The following MMS19 variants were observed in gnomAD, a reference collection of about 807,000 sequenced individuals.
MMS19 encodes the protein MMS19 nucleotide excision repair protein homolog.
In MMS19, 77 loss-of-function variants were observed where a neutral mutation model predicts 129.8. The observed-to-expected ratio is 0.59, with a 90% CI of 0.49 to 0.72. The LOEUF (loss-of-function observed/expected upper bound fraction) is 0.72, where lower values mean the gene tolerates loss of function less well. MMS19 is among the 30% of genes least tolerant of loss of function. The pLI is 0.00. For missense variants in MMS19, 1,168 were observed against 1,266.3 expected (o/e 0.92, Z 1.18); for synonymous variants, 491 against 502.8 (o/e 0.98, Z 0.31).
At chr10:97,487,232 T>C (rs1225421623) in intron 1 of MMS19, among the ~76,000 whole-genome samples, 6 of 152,006 alleles carry the variant, frequency 3.9e-5, no homozygotes, top group East Asian at 1.9e-4. Context: ...GTTAGAATGA[T>C]TGTCCTGGAA....
rs754086274 is a variant in MMS19, at chr10:97,460,737, T to C, written c.2427A>G (p.Leu809=). ...FTLLLWVTKA[L]VLRYHPLSSC... The stretch of plus-strand genomic sequence containing the variant: ...AGCTGAGAGGATGGTATCTGAGCAC[T>C]AGGGCCTTTGTTACCTGTAATTGGA... Residue 809 remains leucine, a synonymous_variant, in exon 25 of 31, where the codon CTA becomes CTG. Coordinates refer to ENST00000438925, the MANE Select transcript of MMS19 (RefSeq NM_022362.5). 4.4e-6 allele frequency: 7 copies of C among 1,599,688 alleles called. No homozygotes were observed. In the Admixed American group the frequency reaches 1.0e-4, roughly 24 times the overall value.
chr10:97,463,679 G>A (rs1467340582), intron 19 of MMS19, among the ~76,000 whole-genome samples, 179 bp downstream of exon 19: 1 of 152,204 alleles, frequency 6.6e-6, no homozygotes, highest in African/African-American at 2.4e-5. Context: ...TTTGGTTCCT[G>A]CCACTGGTCA....
At position 97,459,372 on chromosome 10, in the gene MMS19, C is replaced by A; in HGVS notation, c.2894G>T (p.Ser965Ile). Residue 965 changes from serine (S) to isoleucine (I), a missense_variant, in exon 28 of 31, where the codon AGC becomes ATC. By Grantham distance (142) the Ser-to-Ile change is moderately radical (BLOSUM62 -2). Around this residue, in one of 3 missense-constraint regions of MMS19, gnomAD observed 831 missense variants for 910.8 expected, o/e 0.91. Transcript: ENST00000438925. Reference sequence around the variant, plus strand: ...TGGGGCTCAACGCACCATGGAAGGGCTAGAGCTGAGGTTCAGAAACTTGGT... The same window carrying A: ...TGGGGCTCAACGCACCATGGAAGGGATAGAGCTGAGGTTCAGAAACTTGGT... ...LVTKFLNLSS[S>I]PSMAVRIAAL... 6.2e-7 allele frequency: 1 copy of A among 1,605,416 alleles called. No homozygotes were observed. The highest frequency in any genetic ancestry group is 8.5e-7 in the Non-Finnish European group (1 of 1,175,952).
At chr10:97,485,701 G>A (rs920008249) in intron 1 of MMS19, among the ~76,000 whole-genome samples, 1 of 152,166 alleles carries the variant, frequency 6.6e-6, no homozygotes, top group African/African-American at 2.4e-5. Context: ...ACCCGCCTCT[G>A]CCTCCCAAAT....
At chr10:97,487,589 G>C (rs557486729) in intron 1 of MMS19, among the ~76,000 whole-genome samples, 1 of 152,124 alleles carries the variant, frequency 6.6e-6, no homozygotes, top group East Asian at 1.9e-4. Flanking sequence ...AAAGTGCTGG[G>C]ATTACAGGCG....
chr10:97,494,408 G>A (rs2039449707), intron 1 of MMS19, among the ~76,000 whole-genome samples: 1 of 152,206 alleles, frequency 6.6e-6, no homozygotes. Context: ...AAAGGGAAGT[G>A]AGGGGAAGCG....
chr10:97,478,178 C>A, intron 4 of MMS19, 126 bp downstream of exon 4: 1 of 758,620 alleles, frequency 1.3e-6, no homozygotes, highest in Non-Finnish European at 2.2e-6. Context: ...GCTGGTAACA[C>A]TAATTTAGTC....
rs2035981912 is a variant in MMS19, at chr10:97,477,526, A to G, written c.424-110T>C. 9.2e-6 allele frequency: 13 copies of G among 1,419,668 alleles called. No individual in the cohort carries two copies. The East Asian group carries it at 3.0e-4, about 33-fold the overall frequency. 87.9% of individuals were successfully genotyped at this position (1,419,668 alleles called of 1,614,324 possible). A position where few individuals can be genotyped will look rare whatever the true frequency, so the allele number is the denominator to read the frequency against. ...AGTGAACAGTGCTCTTTATACCAGC[A>G]TAAGATCAATCTAAGAGAAACTACA... is the stretch of plus-strand genomic sequence containing the variant. On this transcript the variant is annotated intron_variant, in intron 5 of 30. Coordinates refer to ENST00000438925, the MANE Select transcript of MMS19 (RefSeq NM_022362.5).
intron 22 of MMS19, 94 bp downstream of exon 22, chr10:97,461,734 G>T (rs937152072): frequency 6.5e-7 from 1 of 1,536,448 alleles, no homozygotes; most frequent in South Asian, 1.2e-5. Flanking sequence ...CTCTGGTGGG[G>T]GAAGTAAAAG....
chr10:97,463,964 G>A lies in MMS19; in HGVS notation c.1806C>T (p.Leu602=), dbSNP rs141369833. ...SSDVIAVCQS[L]RQMAEKCQQD... is the part of the protein sequence containing the mutation. ...GCTGACATTTTTCTGCCATCTGTCT[G>A]AGGCTCTGACAGACAGCAATAACGT... Residue 602 remains leucine, a synonymous_variant, in exon 19 of 31, where the codon CTC becomes CTT. Transcript: ENST00000438925. The A allele has an allele frequency of 9.3e-6, 15 of 1,613,124 alleles. No individual in the cohort carries two copies. The highest frequency in any genetic ancestry group is 1.3e-5 in the African/African-American group (1 of 74,932).
rs29001331 is a variant in MMS19 at position 97,459,647 on chromosome 10, TG to T, written c.2739+11del. On this transcript the variant is annotated intron_variant, in intron 27 of 30. Coordinates refer to ENST00000438925, the MANE Select transcript of MMS19 (RefSeq NM_022362.5). ...TTGTCCTTTGCTTAGAAGCTCTGCCTGTGGGACTTACCGTGGGCAGCTCTGG... is the reference window on the plus strand; with the variant it reads ...TTGTCCTTTGCTTAGAAGCTCTGCCTTGGGACTTACCGTGGGCAGCTCTGG... 0.28 allele frequency: 457,371 copies of T among 1,608,406 alleles called. 66,999 individuals carry two copies. The highest frequency in any genetic ancestry group is 0.47 in the East Asian group (21,002 of 44,718).
At chr10:97,462,390 G>C (rs1589575133) in intron 20 of MMS19, among the ~76,000 whole-genome samples, 193 bp downstream of exon 20, 1 of 152,194 alleles carries the variant, frequency 6.6e-6, no homozygotes, top group South Asian at 2.1e-4. Context: ...CACTGGCCCT[G>C]GCTTCCCACC....
rs1364180681 is a variant in MMS19 at position 97,482,734 on chromosome 10, A to G, written c.161+1369T>C. ...TGTGTGTGTGTGTGTGTGTGTATAT[A>G]TATACACACACACACACACACACAC... is the stretch of plus-strand genomic sequence containing the variant. On this transcript the variant is annotated intron_variant, in intron 2 of 30. Coordinates refer to ENST00000438925, the MANE Select transcript of MMS19 (RefSeq NM_022362.5). 1.6e-4 allele frequency among the ~76,000 whole-genome samples: 19 copies of G among 117,886 alleles called. No homozygotes were observed. The East Asian group carries it at 5.4e-3, about 33-fold the overall frequency. The allele number at this position is 117,886 out of a possible 152,430, so 77.3% of individuals were successfully genotyped here. A position where few individuals can be genotyped will look rare whatever the true frequency, so the allele number is the denominator to read the frequency against.
At chr10:97,489,804 C>G (rs2038575469) in intron 1 of MMS19, among the ~76,000 whole-genome samples, 1 of 152,194 alleles carries the variant, frequency 6.6e-6, no homozygotes, top group Admixed American at 6.5e-5. Flanking sequence ...ATGTTTCCCT[C>G]ATGTTTAGAC....
At position 97,470,207 on chromosome 10, in the gene MMS19, T is replaced by C; in HGVS notation, c.772-4A>G. On this transcript the variant is annotated splice_polypyrimidine_tract_variant and splice_region_variant and intron_variant, in intron 9 of 30. Coordinates refer to ENST00000438925, the MANE Select transcript of MMS19 (RefSeq NM_022362.5). Reference sequence around the variant, plus strand: ...CAATCAACAGGGGCAGCAGAAACTGTGGGACAGAAGGAAGATCTTAAGCCT... The same window carrying C: ...CAATCAACAGGGGCAGCAGAAACTGCGGGACAGAAGGAAGATCTTAAGCCT... 1 of 1,601,328 alleles carries C rather than the reference T, an allele frequency of 6.2e-7. No individual in the cohort carries two copies. Among genetic ancestry groups the C allele is most frequent in the Non-Finnish European group, 8.5e-7 (1 of 1,173,328 alleles).
intron 9 of MMS19, 118 bp downstream of exon 9, chr10:97,470,657 T>TG (rs1307938865): frequency 4.7e-6 from 3 of 637,350 alleles, no homozygotes; most frequent in Non-Finnish European, 8.4e-6. Flanking sequence ...ACAAGACACT[T>TG]GCAGGGTGTC....
chr10:97,482,771 T>C (rs11189233), intron 2 of MMS19, among the ~76,000 whole-genome samples: 41,789 of 147,896 alleles, frequency 0.28, 6,104 homozygotes, highest in East Asian at 0.47. Context: ...CACACACATA[T>C]ATTTTTTGAG....
rs148325953 is a variant in MMS19, at chr10:97,463,792, T to C, written c.1912+66A>G. The C allele has an allele frequency of 1.4e-4, 186 of 1,346,492 alleles. 1 individual carries two copies. The East Asian group carries it at 4.3e-3, about 31-fold the overall frequency. 83.4% of individuals were successfully genotyped at this position (1,346,492 alleles called of 1,614,324 possible). A position where few individuals can be genotyped will look rare whatever the true frequency, so the allele number is the denominator to read the frequency against. On this transcript the variant is annotated intron_variant, in intron 19 of 30. Coordinates refer to ENST00000438925, the MANE Select transcript of MMS19 (RefSeq NM_022362.5). The stretch of plus-strand genomic sequence containing the variant: ...TACAGTACCACCAATACCCAGAGGG[T>C]GGTGCTGTTCAACACCAGCAGAGGG...
chr10:97,460,583 A>G, intron 25 of MMS19, 112 bp downstream of exon 25: 1 of 948,326 alleles, frequency 1.1e-6, no homozygotes, highest in South Asian at 1.4e-5. Flanking sequence ...AAAAAGAAAA[A>G]AGAAAAGAAA....
Sources: gnomAD v4.1 joint callset for allele counts (sites outside exome capture counted in the v4.1 genomes callset) on GRCh38, gnomAD v4.1.1 for gene constraint, gnomAD v4.1.1 regional missense constraint, MANE v1.5 for transcripts, NCBI Gene and HGNC (gene_info 2026-07-23, HGNC 2026-07-21) for gene names.